DTHD1: variants seen among roughly 807,000 people sequenced by gnomAD.
DTHD1 encodes the protein death domain containing 1, also known as death domain-containing protein 1.
Under a neutral mutation model 74.8 loss-of-function variants are expected in DTHD1, and 59 were observed. That is an observed-to-expected ratio of 0.79 (90% CI 0.64 to 0.98). The LOEUF is 0.98. DTHD1 is among the 50% of genes least tolerant of loss of function. The probability of loss-of-function intolerance (pLI) is 0.00; values close to 1 mark genes in which losing one functional copy is unlikely to be tolerated. For synonymous variants in DTHD1, 365 were observed against 371.1 expected (o/e 0.98, Z 0.19); for missense variants, 1,051 against 1,065.4 (o/e 0.99, Z 0.19).
At chr4:36,311,147 C>T (rs185497999) in intron 7 of DTHD1, 3 of 152,342 alleles carry the variant, frequency 2.0e-5, no homozygotes, top group South Asian at 2.1e-4. Flanking sequence ...ACGTGCTAAA[C>T]CAAGAGCGTC....
At chr4:36,283,808 T>C in intron 1 of DTHD1, 168 bp from the exon 2 acceptor site, 1 of 589,158 alleles carries the variant, frequency 1.7e-6, no homozygotes, top group Non-Finnish European at 3.0e-6. Context: ...GTTAAAAGAG[T>C]GACAGTTATA....
In DTHD1 at chr4:36,284,036, C is replaced by A. The variant is rs1269370425; in HGVS notation, c.332C>A (p.Ala111Glu). The A allele has an allele frequency of 2.8e-5, 43 of 1,537,020 alleles. No individual in the cohort carries two copies. Among genetic ancestry groups the A allele is most frequent in the Non-Finnish European group, 3.6e-5 (41 of 1,146,856 alleles). ...KITEHLGSTA[A>E]LLKKEEKEIC... ...ACTGAACATTTGGGGAGCACTGCTG[C>A]ACTTCTAAAGAAAGAAGAAAAGGAG... Residue 111 changes from alanine to glutamate, a missense_variant, in exon 2 of 10, where the codon GCA (alanine) becomes GAA (glutamate). By Grantham distance (107) the Ala-to-Glu change is moderately radical (BLOSUM62 -1). Coordinates refer to ENST00000639862, the MANE Select transcript of DTHD1 (RefSeq NM_001170700.3).
At chr4:36,298,875 A>C (rs1365632963) in intron 5 of DTHD1, among the ~76,000 whole-genome samples, 1 of 152,196 alleles carries the variant, frequency 6.6e-6, no homozygotes, top group Non-Finnish European at 1.5e-5. Flanking sequence ...TTTCCTACAC[A>C]ATGCAATTGT....
chr4:36,307,212 C>T (rs1653827967), intron 6 of DTHD1, among the ~76,000 whole-genome samples: 1 of 152,190 alleles, frequency 6.6e-6, no homozygotes, highest in South Asian at 2.1e-4. Flanking sequence ...GCTGCTCTAA[C>T]AATGTACCAC....
intron 2 of DTHD1, 84 bp from the exon 3 acceptor site, chr4:36,290,289 T>G: frequency 7.5e-7 from 1 of 1,332,516 alleles, no homozygotes. Context: ...ACAATGTAGA[T>G]CTAGAGTCTG....
chr4:36,282,102 G>T, intron 1 of DTHD1, 73 bp downstream of exon 1: 2 of 1,248,268 alleles, frequency 1.6e-6, no homozygotes, highest in Non-Finnish European at 2.1e-6. Flanking sequence ...GAGGGGCTAT[G>T]AGTATACCAG....
intron 6 of DTHD1, 39 bp from the exon 7 acceptor site, chr4:36,308,165 G>A (rs1757165691): frequency 6.5e-7 from 1 of 1,531,362 alleles, no homozygotes; most frequent in Non-Finnish European, 8.8e-7. Flanking sequence ...TCTTGACACT[G>A]CATTTTTCCC....
chr4:36,335,210 T>C (rs1381593637), intron 8 of DTHD1, among the ~76,000 whole-genome samples: 1 of 152,088 alleles, frequency 6.6e-6, no homozygotes, highest in Admixed American at 6.6e-5. Flanking sequence ...GATATCATCA[T>C]GTGAATACAA....
intron 8 of DTHD1, among the ~76,000 whole-genome samples, chr4:36,317,194 C>T (rs1757787348): frequency 6.6e-6 from 1 of 152,104 alleles, no homozygotes; most frequent in Non-Finnish European, 1.5e-5. Context: ...ATGTGTTTTC[C>T]ATGCGGTTAG....
intron 6 of DTHD1, among the ~76,000 whole-genome samples, chr4:36,307,336 T>G (rs1015653902): frequency 3.9e-5 from 6 of 152,342 alleles, no homozygotes; most frequent in Non-Finnish European, 7.4e-5. Context: ...GGGAAGGATC[T>G]GCCCAGGCCT....
chr4:36,308,588 C>T, intron 7 of DTHD1, 95 bp downstream of exon 7: 1 of 1,023,156 alleles, frequency 9.8e-7, no homozygotes, highest in Non-Finnish European at 1.4e-6. Flanking sequence ...AGGAAACCTT[C>T]AGAGGATTGA....
intron 7 of DTHD1, among the ~76,000 whole-genome samples, chr4:36,314,597 G>A (rs560978859): frequency 4.6e-5 from 7 of 152,010 alleles, no homozygotes; most frequent in South Asian, 4.2e-4. Context: ...TGGGAGGACA[G>A]CTTGAGCTTG....
At position 36,316,181 on chromosome 4, in the gene DTHD1, T is replaced by C. The variant is rs981875729; in HGVS notation, c.2096-61T>C. On this transcript the variant is annotated intron_variant, in intron 7 of 9. Coordinates refer to ENST00000639862, the MANE Select transcript of DTHD1 (RefSeq NM_001170700.3). ...CGATCTCCTGACCTCGTGATCCGCC[T>C]GCCTCGGCCTCCCAAAGTGAGATAA... 199 of 1,493,266 alleles carry C rather than the reference T, an allele frequency of 1.3e-4. No homozygotes were observed. The African/African-American group carries it at 2.5e-3, about 18-fold the overall frequency. The allele number at this position is 1,493,266 out of a possible 1,614,324, so 92.5% of individuals were successfully genotyped here.
chr4:36,324,039 A>G (rs1758192249), intron 8 of DTHD1, among the ~76,000 whole-genome samples: 2 of 152,186 alleles, frequency 1.3e-5, no homozygotes, highest in African/African-American at 2.4e-5. Flanking sequence ...TGAGGGGAAA[A>G]TGAACAAAGC....
intron 2 of DTHD1, among the ~76,000 whole-genome samples, chr4:36,286,590 T>C (rs1179017256): frequency 6.6e-6 from 1 of 152,206 alleles, no homozygotes; most frequent in Non-Finnish European, 1.5e-5. Context: ...CCAATGTGAT[T>C]ACAGTCATCG....
rs1757725099 is a variant in DTHD1 at position 36,316,291 on chromosome 4, A to G, written c.2145A>G (p.Gln715=). Reference sequence around the variant, plus strand: ...ACTACACACTTATTTTTCACTTGCAAAGAAAACCTAGGCTGGAACTCCAAA... The same window carrying G: ...ACTACACACTTATTTTTCACTTGCAGAGAAAACCTAGGCTGGAACTCCAAA... ...GKDYTLIFHL[Q]RKPRLELQIK... Residue 715 remains glutamine (Q), a synonymous_variant, in exon 8 of 10, where the codon CAA becomes CAG. Coordinates refer to ENST00000639862, the MANE Select transcript of DTHD1 (RefSeq NM_001170700.3). 6.4e-7 allele frequency: 1 copy of G among 1,551,734 alleles called. No homozygotes were observed. Among genetic ancestry groups the G allele is most frequent in the African/African-American group, 1.4e-5 (1 of 73,054 alleles).
In DTHD1 at chr4:36,343,572, C is replaced by CT. The variant is rs1339384274; in HGVS notation, c.2470dup (p.Ser824PhefsTer8). 4 of 1,551,632 alleles carry CT rather than the reference C, an allele frequency of 2.6e-6. No homozygotes were observed. The South Asian group carries it at 4.8e-5, about 18-fold the overall frequency. The stretch of plus-strand genomic sequence containing the variant: ...CAGAAGAAAATGCTGAGTCTCTTTC[C>CT]TCAACTCTCCCTCTGCGCCGTAGCA... On this transcript the variant is annotated frameshift_variant, in exon 10 of 10. Transcript: ENST00000639862. LOFTEE classifies it high-confidence loss of function.
At position 36,308,327 on chromosome 4, in the gene DTHD1, T is replaced by C. The variant is rs1394711429; in HGVS notation, c.1929T>C (p.Asn643=). ...ACIVLSHQKD[N]PHRIAVLVVP... is the part of the protein sequence containing the mutation. ...TAGTACTGTCTCACCAGAAGGACAA[T>C]CCACATAGAATAGCTGTTTTAGTGG... Residue 643 remains asparagine, a synonymous_variant, in exon 7 of 10, where the codon AAT becomes AAC. Transcript: ENST00000639862. 3 of 1,551,808 alleles carry C rather than the reference T, an allele frequency of 1.9e-6. No individual in the cohort carries two copies. Among genetic ancestry groups the C allele is most frequent in the Non-Finnish European group, 2.6e-6 (3 of 1,147,038 alleles).
rs1759523772 is a variant in DTHD1 at position 36,345,113 on chromosome 4, A to G, written c.*1289A>G. ...AAAGAATTCAAGGCCTATTTCTTCT[A>G]CTTAGGAAGAAAACCTGCTTTAAAA... On this transcript the variant is annotated 3_prime_UTR_variant, in exon 10 of 10. Transcript: ENST00000639862. The G allele has an allele frequency of 6.6e-6, 1 of 152,206 alleles. No individual in the cohort carries two copies. 9.4% of individuals were successfully genotyped at this position (152,206 alleles called of 1,614,324 possible).
Sources: allele counts gnomAD v4.1 joint callset (sites outside exome capture counted in the v4.1 genomes callset), GRCh38; gene constraint gnomAD v4.1.1; transcripts MANE v1.5; gene names NCBI Gene and HGNC (gene_info 2026-07-23, HGNC 2026-07-21).